Variants in CLVS1 observed in about 807,000 individuals in gnomAD.
The protein encoded by CLVS1 is clavesin-1.
CLVS1 carries 10 observed loss-of-function variants against 33.1 expected under a neutral mutation model. The observed-to-expected ratio is 0.30, with a 90% CI of 0.19 to 0.51. The LOEUF (loss-of-function observed/expected upper bound fraction) is 0.51, where lower values mean the gene tolerates loss of function less well. Ranked by LOEUF, CLVS1 falls within the 20% of genes least tolerant of loss-of-function variation. The pLI, the probability that CLVS1 is intolerant of heterozygous loss-of-function variation, is 0.97. For missense variants in CLVS1, 343 were observed against 433.4 expected (o/e 0.79, Z 1.85); for synonymous variants, 163 against 166.1 (o/e 0.98, Z 0.14).
chr8:61,277,836 A>G (rs1249903912), intron 2 of CLVS1, among the ~76,000 whole-genome samples: 3 of 152,224 alleles, frequency 2.0e-5, no homozygotes, highest in African/African-American at 4.8e-5. Flanking sequence ...ATTCCAGCTT[A>G]TATATCATCT....
intron 2 of CLVS1, among the ~76,000 whole-genome samples, chr8:61,216,978 C>T (rs1255095123): frequency 6.6e-6 from 1 of 152,146 alleles, no homozygotes; most frequent in Non-Finnish European, 1.5e-5. Context: ...CTAAGTTCTC[C>T]ATTACACGTG....
intron 3 of CLVS1, among the ~76,000 whole-genome samples, chr8:61,418,383 G>A (rs912676391): frequency 2.0e-5 from 3 of 152,100 alleles, no homozygotes; most frequent in African/African-American, 7.2e-5. Context: ...AATAATGCAT[G>A]CTTTTTTTAC....
chr8:61,020,451 T>C, the CLVS1 span, among the ~76,000 whole-genome samples: 1 of 152,222 alleles, frequency 6.6e-6, no homozygotes, highest in African/African-American at 2.4e-5. Context: ...ACTTCAGCTA[T>C]AGTTTGGAAT....
intron 2 of CLVS1, among the ~76,000 whole-genome samples, chr8:61,319,463 A>G (rs1811121792): frequency 6.6e-6 from 1 of 152,136 alleles, no homozygotes. Flanking sequence ...TCCTGTTACA[A>G]CTAGGATTCC....
At chr8:61,323,683 G>A (rs1415273571) in intron 2 of CLVS1, among the ~76,000 whole-genome samples, 1 of 151,960 alleles carries the variant, frequency 6.6e-6, no homozygotes, top group Non-Finnish European at 1.5e-5. Context: ...TAAGTTCAGG[G>A]TTACAAGTGT....
intron 2 of CLVS1, among the ~76,000 whole-genome samples, chr8:61,333,546 G>A (rs923726829): frequency 2.6e-5 from 4 of 152,172 alleles, no homozygotes; most frequent in Non-Finnish European, 4.4e-5. Context: ...TACTATGTGA[G>A]AATAAATATA....
chr8:61,009,054 C>T, the CLVS1 span, among the ~76,000 whole-genome samples: 12 of 152,074 alleles, frequency 7.9e-5, no homozygotes, highest in Non-Finnish European at 1.5e-4. Context: ...AGGCTCTTTG[C>T]CATTTATTAT....
chr8:61,057,273 C>T (rs1223430861), intron 1 of CLVS1: 2 of 151,952 alleles, frequency 1.3e-5, no homozygotes, highest in Non-Finnish European at 2.9e-5. Flanking sequence ...TATGCTTCAC[C>T]TCTTCTCTCA....
chr8:60,985,534 C>T, the CLVS1 span, among the ~76,000 whole-genome samples: 1 of 152,182 alleles, frequency 6.6e-6, no homozygotes, highest in Non-Finnish European at 1.5e-5. Context: ...GCAGTTGGCT[C>T]CACACTACGC....
chr8:61,254,351 A>T (rs1429845798), intron 2 of CLVS1, among the ~76,000 whole-genome samples: 2 of 152,170 alleles, frequency 1.3e-5, no homozygotes, highest in African/African-American at 4.8e-5. Context: ...CCTCCCAGTT[A>T]GGCTACTCAG....
intron 5 of CLVS1, among the ~76,000 whole-genome samples, chr8:61,476,153 T>C (rs1308254430): frequency 2.0e-5 from 3 of 152,246 alleles, no homozygotes; most frequent in Admixed American, 6.5e-5. Context: ...TCCATTGATC[T>C]ATATCTCTGT....
At chr8:61,088,141 G>T (rs898636648) in intron 1 of CLVS1, among the ~76,000 whole-genome samples, 3 of 152,160 alleles carry the variant, frequency 2.0e-5, no homozygotes, top group Non-Finnish European at 2.9e-5. Context: ...GAAGCATGCA[G>T]ATATATTTGT....
intron 2 of CLVS1, among the ~76,000 whole-genome samples, chr8:61,359,306 A>G (rs898338036): frequency 1.3e-5 from 2 of 152,218 alleles, no homozygotes; most frequent in Non-Finnish European, 2.9e-5. Flanking sequence ...GCTCATTTCT[A>G]AAATGTGAAT....
intron 1 of CLVS1, among the ~76,000 whole-genome samples, chr8:61,083,424 A>G (rs948823607): frequency 2.0e-5 from 3 of 152,146 alleles, no homozygotes; most frequent in African/African-American, 7.2e-5. Flanking sequence ...CAGGAGTTGT[A>G]CCTGAGGGCC....
intron 2 of CLVS1, among the ~76,000 whole-genome samples, chr8:61,155,652 G>T (rs1325126767): frequency 1.3e-5 from 2 of 152,022 alleles, no homozygotes; most frequent in East Asian, 3.9e-4. Context: ...AGCCTATTTA[G>T]ACGGGCTGCA....
chr8:60,968,987 A>G, the CLVS1 span, among the ~76,000 whole-genome samples: 62 of 151,828 alleles, frequency 4.1e-4, no homozygotes, highest in Non-Finnish European at 8.5e-4. Flanking sequence ...GTCCTAATGC[A>G]TGTGTTCTGA....
intron 1 of CLVS1, among the ~76,000 whole-genome samples, chr8:61,109,326 T>G (rs1467567924): frequency 6.6e-6 from 1 of 152,154 alleles, no homozygotes; most frequent in Non-Finnish European, 1.5e-5. Context: ...TTGGAGCAGA[T>G]GGTGTTGAGG....
At chr8:61,464,088 CAAA>C (rs34442006) in intron 5 of CLVS1, among the ~76,000 whole-genome samples, 57 of 117,894 alleles carry the variant, frequency 4.8e-4, no homozygotes, top group African/African-American at 9.5e-4. Flanking sequence ...GACTCTGTCT[CAAA>C]AAAAAAAAAA....
chr8:61,056,821 A>C (rs971380601), upstream of CLVS1, among the ~76,000 whole-genome samples: 6 of 152,214 alleles, frequency 3.9e-5, no homozygotes, highest in African/African-American at 1.4e-4. Flanking sequence ...TGAAGGGTTA[A>C]GTTAGATATT....
Sources: allele counts gnomAD v4.1 joint callset (sites outside exome capture counted in the v4.1 genomes callset), GRCh38; gene constraint gnomAD v4.1.1; transcripts MANE v1.5; gene names NCBI Gene and HGNC (gene_info 2026-07-23, HGNC 2026-07-21).